The following PKP4 variants were observed in gnomAD, a reference collection of about 807,000 sequenced individuals.
PKP4 encodes plakophilin-4.
A neutral mutation model predicts 145.1 loss-of-function variants in PKP4; 90 were observed. The ratio of observed to expected loss-of-function variants is 0.62; its 90% CI spans 0.52 to 0.74. PKP4 has a LOEUF of 0.74. PKP4 is among the 30% of genes least tolerant of loss of function. The pLI, the probability that PKP4 is intolerant of heterozygous loss-of-function variation, is 0.00. For synonymous variants in PKP4, 563 were observed against 577.2 expected (o/e 0.98, Z 0.35); for missense variants, 1,340 against 1,482.7 (o/e 0.90, Z 1.58).
At chr2:158,584,862 G>C (rs2048667475) in intron 3 of PKP4, among the ~76,000 whole-genome samples, 1 of 152,018 alleles carries the variant, frequency 6.6e-6, no homozygotes, top group Admixed American at 6.6e-5. Context: ...TCTATTCTTT[G>C]TTTTTTATTT....
chr2:158,464,283 A>G (rs947668847), intron 1 of PKP4, among the ~76,000 whole-genome samples: 1 of 152,078 alleles, frequency 6.6e-6, no homozygotes, highest in Admixed American at 6.5e-5. Flanking sequence ...TCCATATCTC[A>G]TAGAATAGAG....
rs146669451 is a variant in PKP4, at chr2:158,633,266, A to G, written c.1343-804A>G. ...ACATTCATTCATGTGATAAAGTTTAATTTATAAATCAGGCACAGTAAGAGA... is the reference window on the plus strand; with the variant it reads ...ACATTCATTCATGTGATAAAGTTTAGTTTATAAATCAGGCACAGTAAGAGA... On this transcript the variant is annotated intron_variant, in intron 8 of 21. Coordinates refer to ENST00000389759, the MANE Select transcript of PKP4 (RefSeq NM_003628.6). Among the ~76,000 whole-genome samples, 647 of 152,352 alleles carry G rather than the reference A, an allele frequency of 4.2e-3. 12 individuals are homozygous for G. The highest frequency in any genetic ancestry group is 6.7e-3 in the East Asian group (35 of 5,188).
intron 9 of PKP4, among the ~76,000 whole-genome samples, chr2:158,640,032 A>G (rs1350523708): frequency 6.6e-6 from 1 of 152,248 alleles, no homozygotes; most frequent in African/African-American, 2.4e-5. Flanking sequence ...ATGTGTGCAC[A>G]TTTGCACACA....
At chr2:158,626,409 A>C (rs1299815047) in intron 7 of PKP4, among the ~76,000 whole-genome samples, 1 of 152,080 alleles carries the variant, frequency 6.6e-6, no homozygotes, top group Admixed American at 6.6e-5. Context: ...ATTTATTTGC[A>C]TTTTCCTCCT....
At chr2:158,615,099 T>C in intron 4 of PKP4, among the ~76,000 whole-genome samples, 1 of 152,084 alleles carries the variant, frequency 6.6e-6, no homozygotes, top group East Asian at 1.9e-4. Flanking sequence ...TATCATCCTT[T>C]ATAGGTTTGT....
chr2:158,503,475 A>G (rs953453259), intron 1 of PKP4, among the ~76,000 whole-genome samples: 1 of 152,242 alleles, frequency 6.6e-6, no homozygotes, highest in Non-Finnish European at 1.5e-5. Flanking sequence ...TGTAAAATGA[A>G]GTTATATTCT....
chr2:158,494,637 T>A (rs566609357), intron 1 of PKP4, among the ~76,000 whole-genome samples: 2 of 152,358 alleles, frequency 1.3e-5, no homozygotes, highest in South Asian at 4.1e-4. Flanking sequence ...TTTTTCAAAG[T>A]ACTAAATATC....
intron 1 of PKP4, among the ~76,000 whole-genome samples, chr2:158,522,502 A>C (rs996090505): frequency 1.3e-5 from 2 of 152,182 alleles, no homozygotes; most frequent in East Asian, 3.8e-4. Flanking sequence ...TTTGTGTTCA[A>C]TAAAGATTGT....
intron 4 of PKP4, among the ~76,000 whole-genome samples, chr2:158,615,617 T>A (rs1245960375): frequency 6.6e-6 from 1 of 152,222 alleles, no homozygotes; most frequent in African/African-American, 2.4e-5. Flanking sequence ...AATGGTTTTA[T>A]ATTCTTGGAC....
At chr2:158,669,678 AG>A in intron 16 of PKP4, 41 bp from the exon 17 acceptor site, 1 of 1,451,972 alleles carries the variant, frequency 6.9e-7, no homozygotes, top group African/African-American at 1.4e-5. Context: ...ACAAAAACCT[AG>A]TACCTTCTGG....
intron 1 of PKP4, among the ~76,000 whole-genome samples, chr2:158,493,751 G>A (rs1025930957): frequency 6.6e-6 from 1 of 152,212 alleles, no homozygotes; most frequent in East Asian, 1.9e-4. Flanking sequence ...TGTTTTGTGA[G>A]TGCTGCTCAC....
intron 13 of PKP4, 107 bp from the exon 14 acceptor site, chr2:158,662,790 A>C: frequency 2.5e-5 from 18 of 719,894 alleles, no homozygotes; most frequent in Non-Finnish European, 3.9e-5. Flanking sequence ...AATAAAAAGT[A>C]GTTCTTTCAT....
At position 158,625,367 on chromosome 2, in the gene PKP4, G is replaced by A. The variant is rs752559819; in HGVS notation, c.1093G>A (p.Gly365Arg). 8.1e-6 allele frequency: 13 copies of A among 1,614,008 alleles called. No homozygotes were observed. The highest frequency in any genetic ancestry group is 5.5e-5 in the South Asian group (5 of 91,090). ...QRTVHDMEQF[G>R]QQQYDIYERM... ...GACTGTTCATGACATGGAGCAATTC[G>A]GACAGCAGCAGTATGACATTTATGA... Residue 365 changes from glycine to arginine, a missense_variant, in exon 7 of 22, where the codon GGA becomes AGA. By Grantham distance (125) the Gly-to-Arg change is moderately radical (BLOSUM62 -2). Transcript: ENST00000389759.
intron 2 of PKP4, among the ~76,000 whole-genome samples, chr2:158,542,788 C>G (rs373737345): frequency 1.3e-5 from 2 of 152,166 alleles, no homozygotes; most frequent in South Asian, 4.1e-4. Flanking sequence ...ACTACCACCA[C>G]CACCACTACC....
At chr2:158,528,669 GAAA>G (rs59566011) in intron 1 of PKP4, among the ~76,000 whole-genome samples, 1 of 86,012 alleles carries the variant, frequency 1.2e-5, no homozygotes, top group Non-Finnish European at 2.2e-5. Flanking sequence ...CTTACTAAAT[GAAA>G]AAAAAAAAAA....
At chr2:158,544,613 A>G (rs1327470442) in intron 2 of PKP4, among the ~76,000 whole-genome samples, 1 of 152,090 alleles carries the variant, frequency 6.6e-6, no homozygotes. Context: ...AGGGTAATGA[A>G]TTTGCTTCTT....
At chr2:158,593,194 C>G (rs1305872348) in intron 3 of PKP4, among the ~76,000 whole-genome samples, 1 of 152,076 alleles carries the variant, frequency 6.6e-6, no homozygotes, top group Non-Finnish European at 1.5e-5. Flanking sequence ...ACAAATAGTT[C>G]CCAGTAGCCC....
At chr2:158,493,936 A>C (rs894605916) in intron 1 of PKP4, among the ~76,000 whole-genome samples, 1 of 152,024 alleles carries the variant, frequency 6.6e-6, no homozygotes, top group African/African-American at 2.4e-5. Flanking sequence ...TGCACTACTA[A>C]TATTTCTTGG....
intron 1 of PKP4, among the ~76,000 whole-genome samples, chr2:158,473,434 T>C (rs927514976): frequency 6.6e-6 from 1 of 152,114 alleles, no homozygotes; most frequent in African/African-American, 2.4e-5. Flanking sequence ...GCAGATTGGA[T>C]AAAGAAAATG....
Sources: allele counts gnomAD v4.1 joint callset (sites outside exome capture counted in the v4.1 genomes callset), GRCh38; gene constraint gnomAD v4.1.1; transcripts MANE v1.5; gene names NCBI Gene and HGNC (gene_info 2026-07-23, HGNC 2026-07-21).